N4BP2: variants seen among roughly 807,000 people sequenced by gnomAD.
N4BP2 encodes NEDD4 binding protein 2, also known as NEDD4-binding protein 2.
N4BP2 carries 91 observed loss-of-function variants against 152.8 expected under a neutral mutation model. That is an observed-to-expected ratio of 0.60 (90% confidence interval 0.50 to 0.71). The LOEUF (loss-of-function observed/expected upper bound fraction) is 0.71, where lower values mean the gene tolerates loss of function less well. N4BP2 is among the 30% of genes least tolerant of loss of function. N4BP2 has a pLI of 0.00. For synonymous variants in N4BP2, 646 were observed against 705.3 expected (o/e 0.92, Z 1.33); for missense variants, 1,923 against 2,059.1 (o/e 0.93, Z 1.28).
intron 13 of N4BP2, among the ~76,000 whole-genome samples, chr4:40,136,712 G>T (rs1446597818): frequency 6.6e-6 from 1 of 152,090 alleles, no homozygotes; most frequent in Non-Finnish European, 1.5e-5. Context: ...CTATCTTTTG[G>T]CATTCATTTT....
chr4:40,117,852 T>G lies in N4BP2; in HGVS notation c.1665-17T>G, dbSNP rs780966012. The G allele has an allele frequency of 6.3e-7, 1 of 1,585,938 alleles. No individual in the cohort carries two copies. On this transcript the variant is annotated splice_polypyrimidine_tract_variant and intron_variant, in intron 7 of 17. Transcript: ENST00000261435. ...TATCAATATTCCTTCAACCCTTTTTTCCCCTGGAATTTTCAGGCGTAACAT... is the reference window on the plus strand; with the variant it reads ...TATCAATATTCCTTCAACCCTTTTTGCCCCTGGAATTTTCAGGCGTAACAT...
chr4:40,185,326 T>C, the N4BP2 span, among the ~76,000 whole-genome samples: 12 of 152,210 alleles, frequency 7.9e-5, no homozygotes, highest in East Asian at 2.3e-3. Context: ...TTTTGCTGTT[T>C]TATGGTTTTC....
At chr4:40,170,060 T>C in the N4BP2 span, among the ~76,000 whole-genome samples, 1 of 148,748 alleles carries the variant, frequency 6.7e-6, no homozygotes, top group African/African-American at 2.5e-5. Flanking sequence ...GATAAAAAAA[T>C]CTCTGAAAAA....
intron 1 of N4BP2, among the ~76,000 whole-genome samples, chr4:40,071,359 G>A (rs1403113783): frequency 1.3e-5 from 2 of 152,114 alleles, no homozygotes; most frequent in Non-Finnish European, 2.9e-5. Flanking sequence ...AACAGTTTTG[G>A]AAGAGTATCT....
intron 2 of N4BP2, 56 bp from the exon 3 acceptor site, chr4:40,097,171 A>G: frequency 1.8e-6 from 1 of 558,896 alleles, no homozygotes; most frequent in South Asian, 2.5e-5. Context: ...TGTCATTCCG[A>G]TTTTAGAAAT....
rs1312549527 is a variant in N4BP2, at chr4:40,102,746, G to A, written c.901G>A (p.Asp301Asn). ...GGCTTGTTTAAACCTTCCAGGGCTT[G>A]ATTTACCAGGTACAGGTGGGGATCA... ...PQACLNLPGL[D>N]LPGTGGDQKS... The change falls in exon 4 of 18, where the codon GAT becomes AAT. Residue 301 changes from aspartate to asparagine, a missense_variant. Asp to Asn is a conservative substitution (Grantham distance 23). Coordinates refer to ENST00000261435, the MANE Select transcript of N4BP2 (RefSeq NM_018177.6). 1.2e-6 allele frequency: 2 copies of A among 1,614,164 alleles called. No homozygotes were observed. The highest frequency in any genetic ancestry group is 1.7e-6 in the Non-Finnish European group (2 of 1,180,012).
the N4BP2 span, among the ~76,000 whole-genome samples, chr4:40,170,171 T>C: frequency 6.7e-6 from 1 of 148,990 alleles, no homozygotes; most frequent in Non-Finnish European, 1.5e-5. Context: ...AATAAAAACA[T>C]AAATTTCAAG....
At chr4:40,153,425 A>C (rs1288078181) in intron 17 of N4BP2, among the ~76,000 whole-genome samples, 2 of 152,170 alleles carry the variant, frequency 1.3e-5, no homozygotes, top group Non-Finnish European at 2.9e-5. Flanking sequence ...AGTTAATATG[A>C]ATTTATTTGT....
chr4:40,090,060 C>T (rs924609147), intron 2 of N4BP2, among the ~76,000 whole-genome samples: 3 of 152,122 alleles, frequency 2.0e-5, no homozygotes, highest in African/African-American at 7.2e-5. Context: ...TGCTTTTGCA[C>T]CATAGTCAAA....
At chr4:40,176,764 C>T in the N4BP2 span, among the ~76,000 whole-genome samples, 1 of 152,180 alleles carries the variant, frequency 6.6e-6, no homozygotes, top group African/African-American at 2.4e-5. Context: ...GAAACTCCAC[C>T]CAACCTGCCC....
chr4:40,131,759 AC>A (rs1282090200), intron 12 of N4BP2, 41 bp from the exon 13 acceptor site: 1 of 1,428,732 alleles, frequency 7.0e-7, no homozygotes, highest in African/African-American at 1.4e-5. Flanking sequence ...TTCTAGTATT[AC>A]ACATTTCATC....
At chr4:40,123,315 T>C in intron 10 of N4BP2, 103 bp downstream of exon 10, 1 of 748,212 alleles carries the variant, frequency 1.3e-6, no homozygotes, top group Non-Finnish European at 2.2e-6. Context: ...TATTGAATTT[T>C]GGCTTTGAGA....
chr4:40,125,399 G>C lies in N4BP2; in HGVS notation c.4331-735G>C, dbSNP rs16995565. On this transcript the variant is annotated intron_variant, in intron 11 of 17. Coordinates refer to ENST00000261435, the MANE Select transcript of N4BP2 (RefSeq NM_018177.6). ...ACTCTTTATTGTGTGCCTTCACTGA[G>C]TTACAGGTTTGCCAAAGTAATCGAT... Among the ~76,000 whole-genome samples, 624 of 152,284 alleles carry C rather than the reference G, an allele frequency of 4.1e-3. 8 individuals are homozygous for C. Among genetic ancestry groups the C allele is most frequent in the African/African-American group, 0.014 (595 of 41,556 alleles).
rs752756658 is a variant in N4BP2, at chr4:40,102,236, G to A, written c.391G>A (p.Asp131Asn). 5 of 1,613,752 alleles carry A rather than the reference G, an allele frequency of 3.1e-6. No individual in the cohort carries two copies. The highest frequency in any genetic ancestry group is 3.4e-6 in the Non-Finnish European group (4 of 1,179,928). The change falls in exon 4 of 18, where the codon GAT becomes AAT. Residue 131 changes from aspartate (D) to asparagine (N), a missense_variant. Transcript: ENST00000261435. ...PEEESEDSKM[D>N]SFLDMQLTED... ...AGAAGAGAGTGAAGATTCAAAAATG[G>A]ATTCATTTTTGGACATGCAGCTAAC...
Position 40,120,707 on chromosome 4 carries a change from T to G in N4BP2, c.2596T>G (p.Tyr866Asp). 8 of 1,614,106 alleles carry G rather than the reference T, an allele frequency of 5.0e-6. No homozygotes were observed. The highest frequency in any genetic ancestry group is 6.8e-6 in the Non-Finnish European group (8 of 1,180,000). Residue 866 changes from tyrosine (Y) to aspartate (D), a missense_variant, in exon 9 of 18, where the codon TAT becomes GAT. Physicochemically the swap from Tyr to Asp is radical, Grantham distance 160. Transcript: ENST00000261435. ...TGATGCTTCAGAGCCACTCAATAGC[T>G]ATAAATATGATGCTTATAAAAATAT... The part of the protein sequence containing the change: ...CDDASEPLNS[Y>D]KYDAYKNIDK...
intron 3 of N4BP2, chr4:40,100,062 G>A (rs1335245068): frequency 2.2e-6 from 1 of 455,742 alleles, no homozygotes; most frequent in Non-Finnish European, 4.4e-6. Context: ...CTTACTAGGT[G>A]CCAGTTCTTG....
At chr4:40,187,103 T>C in the N4BP2 span, among the ~76,000 whole-genome samples, 3 of 152,362 alleles carry the variant, frequency 2.0e-5, no homozygotes, top group Admixed American at 2.0e-4. Context: ...AAGAAATTAA[T>C]TGGTGAGGAA....
chr4:40,087,145 T>G (rs1458770034), intron 2 of N4BP2, among the ~76,000 whole-genome samples: 1 of 152,164 alleles, frequency 6.6e-6, no homozygotes, highest in Non-Finnish European at 1.5e-5. Context: ...TCTATAGATA[T>G]GGAGTCAAGT....
At chr4:40,188,605 G>A in the N4BP2 span, among the ~76,000 whole-genome samples, 11 of 152,056 alleles carry the variant, frequency 7.2e-5, no homozygotes, top group African/African-American at 2.2e-4. Flanking sequence ...TTAGCTGGGC[G>A]GGGTGGTGTG....
Sources: allele counts gnomAD v4.1 joint callset (sites outside exome capture counted in the v4.1 genomes callset), GRCh38; gene constraint gnomAD v4.1.1; transcripts MANE v1.5; gene names NCBI Gene and HGNC (gene_info 2026-07-23, HGNC 2026-07-21).